Variants in JMJD1C observed in about 807,000 individuals in gnomAD.
JMJD1C encodes the protein jumonji domain-containing protein 1C.
JMJD1C carries 31 observed loss-of-function variants against 245.3 expected under a neutral mutation model. The ratio of observed to expected loss-of-function variants is 0.13; its 90% CI spans 0.09 to 0.17. The LOEUF (loss-of-function observed/expected upper bound fraction) is 0.17, where lower values mean the gene tolerates loss of function less well. Among genes scored for constraint, JMJD1C ranks in the 10% least tolerant of loss-of-function variants. The probability of loss-of-function intolerance (pLI) is 1.00; values close to 1 mark genes in which losing one functional copy is unlikely to be tolerated. For missense variants in JMJD1C, 2,691 were observed against 3,000.2 expected, an observed-to-expected ratio of 0.90 and a Z score of 2.41; for synonymous variants, 1,057 against 1,017.4, an observed-to-expected ratio of 1.04 and a Z score of -0.74.
chr10:63,198,323 T>C (rs2133062389), intron 12 of JMJD1C, among the ~76,000 whole-genome samples, 190 bp downstream of exon 12: 1 of 152,348 alleles, frequency 6.6e-6, no homozygotes, highest in African/African-American at 2.4e-5. Flanking sequence ...ATTTCACAAA[T>C]GGTTAATTGA....
chr10:63,313,070 A>G (rs1348419916), intron 2 of JMJD1C, among the ~76,000 whole-genome samples: 3 of 152,100 alleles, frequency 2.0e-5, no homozygotes, highest in Non-Finnish European at 2.9e-5. Flanking sequence ...ACTGAACCCA[A>G]TTTGTAGTCT....
At chr10:63,422,017 T>C (rs2132750316) in intron 1 of JMJD1C, among the ~76,000 whole-genome samples, 1 of 152,302 alleles carries the variant, frequency 6.6e-6, no homozygotes, top group East Asian at 1.9e-4. Flanking sequence ...TTTTAAAAGA[T>C]TAAAAATACA....
At chr10:63,218,765 G>A (rs1422002031) in intron 4 of JMJD1C, among the ~76,000 whole-genome samples, 1 of 151,962 alleles carries the variant, frequency 6.6e-6, no homozygotes, top group South Asian at 2.1e-4. Flanking sequence ...CAAGGAAAGG[G>A]AAAAAAAGAG....
In JMJD1C at chr10:63,415,790, A is replaced by G. The variant is rs185764979; in HGVS notation, c.169-35308T>C. On this transcript the variant is annotated intron_variant, in intron 1 of 25. Coordinates refer to ENST00000399262, the MANE Select transcript of JMJD1C (RefSeq NM_032776.3). Reference sequence around the variant, plus strand: ...AAACAACTGCAATGCCCTACAGAAAATAAGCACCTGCAGAAAAAGATACAG... The same window carrying G: ...AAACAACTGCAATGCCCTACAGAAAGTAAGCACCTGCAGAAAAAGATACAG... Among the ~76,000 whole-genome samples, 8 of 152,352 alleles carry G rather than the reference A, an allele frequency of 5.3e-5. No individual in the cohort carries two copies. In the East Asian group the frequency reaches 1.3e-3, roughly 26 times the overall value.
upstream of JMJD1C, chr10:63,466,134 T>G (rs2133130059): frequency 6.4e-6 from 1 of 156,586 alleles, no homozygotes; most frequent in Non-Finnish European, 1.3e-5. Context: ...TCCGTCCAGA[T>G]CCAGAGGCGG....
intron 1 of JMJD1C, among the ~76,000 whole-genome samples, chr10:63,435,626 G>A (rs960732439): frequency 1.3e-5 from 2 of 152,076 alleles, no homozygotes; most frequent in African/African-American, 2.4e-5. Context: ...AATGCCGGGC[G>A]CAGTGGCTTA....
At chr10:63,479,339 T>C (rs1170662062) in intron 1 of JMJD1C, among the ~76,000 whole-genome samples, 2 of 151,034 alleles carry the variant, frequency 1.3e-5, no homozygotes, top group Non-Finnish European at 2.9e-5. Flanking sequence ...CACCCAGGAA[T>C]AGTAAAGAAA....
intron 2 of JMJD1C, among the ~76,000 whole-genome samples, chr10:63,297,709 T>C (rs765545278): frequency 1.1e-4 from 17 of 151,750 alleles, no homozygotes; most frequent in African/African-American, 3.9e-4. Flanking sequence ...AGCCACCCCA[T>C]GGGATGGGAA....
chr10:63,442,276 A>C (rs995055524), intron 1 of JMJD1C, among the ~76,000 whole-genome samples: 9 of 152,208 alleles, frequency 5.9e-5, no homozygotes, highest in African/African-American at 2.2e-4. Context: ...GGTATATATC[A>C]ATTTGAAATC....
At chr10:63,187,160 A>T (rs1249667253) in intron 18 of JMJD1C, among the ~76,000 whole-genome samples, 1 of 152,180 alleles carries the variant, frequency 6.6e-6, no homozygotes, top group Non-Finnish European at 1.5e-5. Context: ...AAAAAGAAAA[A>T]ACACCCTAAA....
At chr10:63,465,257 G>A in intron 1 of JMJD1C, 1 of 501,904 alleles carries the variant, frequency 2.0e-6, no homozygotes. Context: ...GGGGGCCAGG[G>A]CAGCCTCCGC....
intron 3 of JMJD1C, among the ~76,000 whole-genome samples, chr10:63,257,105 C>T (rs907866174): frequency 1.3e-5 from 2 of 151,526 alleles, no homozygotes; most frequent in African/African-American, 4.9e-5. Flanking sequence ...GGCGTGGTGG[C>T]TCGCACCTGT....
At position 63,465,669 on chromosome 10, in the gene JMJD1C, C is replaced by T. The variant is rs1221140292; in HGVS notation, c.-7G>A. On this transcript the variant is annotated 5_prime_UTR_variant, in exon 1 of 26. Coordinates refer to ENST00000399262, the MANE Select transcript of JMJD1C (RefSeq NM_032776.3). ...CCCGCGTCTCTACCGCCATAGCTGT[C>T]GCTGCCGAAGCGGCCGCTGCCTCCT... The T allele has an allele frequency of 2.5e-6, 4 of 1,607,602 alleles. No individual in the cohort carries two copies. The highest frequency in any genetic ancestry group is 1.7e-5 in the Admixed American group (1 of 60,020).
At chr10:63,310,227 AAAT>A (rs1273260000) in intron 2 of JMJD1C, among the ~76,000 whole-genome samples, 4 of 152,208 alleles carry the variant, frequency 2.6e-5, no homozygotes, top group Non-Finnish European at 5.9e-5. Flanking sequence ...ATTTTCCCTA[AAAT>A]AATATATAAA....
Position 63,200,457 on chromosome 10 carries a change from A to C in JMJD1C, c.5276+19T>G. On this transcript the variant is annotated intron_variant, in intron 11 of 25. Coordinates refer to ENST00000399262, the MANE Select transcript of JMJD1C (RefSeq NM_032776.3). ...AAATCAATAAATTACTTTTTTCCCA[A>C]TCTCATATTTTCACTTACCGTCTAA... 1 of 1,577,596 alleles carries C rather than the reference A, an allele frequency of 6.3e-7. No homozygotes were observed. Among genetic ancestry groups the C allele is most frequent in the Non-Finnish European group, 8.7e-7 (1 of 1,148,534 alleles).
intron 3 of JMJD1C, among the ~76,000 whole-genome samples, chr10:63,240,586 T>C (rs780806837): frequency 6.6e-6 from 1 of 152,126 alleles, no homozygotes; most frequent in African/African-American, 2.4e-5. Context: ...AATATAGATA[T>C]AACGGTTCAC....
At chr10:63,225,740 T>C (rs561479786) in intron 3 of JMJD1C, among the ~76,000 whole-genome samples, 19 of 150,872 alleles carry the variant, frequency 1.3e-4, no homozygotes, top group East Asian at 2.0e-4. Context: ...GATGGCGCCA[T>C]TGCACTCCAG....
intron 19 of JMJD1C, 47 bp from the exon 20 acceptor site, chr10:63,185,700 T>TA (rs1844050122): frequency 9.7e-7 from 1 of 1,034,724 alleles, no homozygotes; most frequent in East Asian, 2.4e-5. Flanking sequence ...TCTGCCTTTT[T>TA]ATCTTTATTA....
rs149819726 is a variant in JMJD1C at position 63,503,062 on chromosome 10, C to G, written n.113+18676G>C. Reference sequence around the variant, plus strand: ...AAACTGAGTCTTAAAGCTAAATGATCCATGTAAAAAAGCTTAGCCCTTAAG... The same window carrying G: ...AAACTGAGTCTTAAAGCTAAATGATGCATGTAAAAAAGCTTAGCCCTTAAG... On this transcript the variant is annotated intron_variant and non_coding_transcript_variant, in intron 1 of 3. Coordinates refer to the JMJD1C transcript ENST00000633035. Among the ~76,000 whole-genome samples the G allele has an allele frequency of 6.8e-4, 103 of 152,262 alleles. No individual in the cohort carries two copies. The East Asian group carries it at 0.012, about 17-fold the overall frequency.
Sources: gnomAD v4.1 joint callset for allele counts (sites outside exome capture counted in the v4.1 genomes callset) on GRCh38, gnomAD v4.1.1 for gene constraint, MANE v1.5 for transcripts, NCBI Gene and HGNC (gene_info 2026-07-23, HGNC 2026-07-21) for gene names.